Variants in ABL1 observed in about 807,000 individuals in gnomAD.
ABL1 encodes tyrosine-protein kinase ABL1.
A neutral mutation model predicts 94.7 loss-of-function variants in ABL1; 11 were observed. The ratio of observed to expected loss-of-function variants is 0.12; its 90% CI spans 0.07 to 0.19. ABL1 has a LOEUF of 0.19. ABL1 is among the 10% of genes least tolerant of loss of function. The probability of loss-of-function intolerance (pLI) is 1.00; values close to 1 mark genes in which losing one functional copy is unlikely to be tolerated. For missense variants in ABL1, 1,082 were observed against 1,489.4 expected (o/e 0.73, Z 4.50); for synonymous variants, 656 against 622.4 (o/e 1.05, Z -0.80).
chr9:130,750,835 C>T (rs1415804971), intron 1 of ABL1, among the ~76,000 whole-genome samples: 1 of 151,120 alleles, frequency 6.6e-6, no homozygotes, highest in African/African-American at 2.4e-5. Context: ...TTATTAGACA[C>T]AGGGTTTCAC....
intron 1 of ABL1, among the ~76,000 whole-genome samples, chr9:130,775,208 A>T (rs986762147): frequency 1.3e-5 from 2 of 152,218 alleles, no homozygotes; most frequent in Admixed American, 1.3e-4. Flanking sequence ...TCCCAAAGAT[A>T]AAGCTTCTCC....
intron 1 of ABL1, among the ~76,000 whole-genome samples, chr9:130,808,744 C>T (rs1056501177): frequency 5.9e-5 from 9 of 152,162 alleles, no homozygotes; most frequent in Non-Finnish European, 1.3e-4. Context: ...TTATAAATCC[C>T]AGATTTGTAT....
chr9:130,847,614 G>C (rs781596048), intron 1 of ABL1, among the ~76,000 whole-genome samples: 6 of 152,218 alleles, frequency 3.9e-5, no homozygotes, highest in Non-Finnish European at 8.8e-5. Flanking sequence ...GAATTGACTG[G>C]AAGGTTTTGG....
Position 130,726,171 on chromosome 9 carries a change from T to A in ABL1, c.136+11716T>A, listed in dbSNP as rs749323236. On this transcript the variant is annotated intron_variant, in intron 1 of 10. Transcript: ENST00000372348. ...CGACCTGATATTTTAATATTTTTTTTAAAAAAGTGTAATATGCATACAGAA... is the reference window on the plus strand; with the variant it reads ...CGACCTGATATTTTAATATTTTTTTAAAAAAAGTGTAATATGCATACAGAA... Among the ~76,000 whole-genome samples, 225 of 143,716 alleles carry A rather than the reference T, an allele frequency of 1.6e-3. 1 individual carries two copies. The highest frequency in any genetic ancestry group is 2.0e-3 in the Non-Finnish European group (133 of 66,804). The allele number at this position is 143,716 out of a possible 152,430, so 94.3% of individuals were successfully genotyped here. A position where few individuals can be genotyped will look rare whatever the true frequency, so the allele number is the denominator to read the frequency against.
chr9:130,800,793 T>A (rs979775045), intron 1 of ABL1, among the ~76,000 whole-genome samples: 1 of 152,240 alleles, frequency 6.6e-6, no homozygotes, highest in African/African-American at 2.4e-5. Flanking sequence ...ATTTTACTAG[T>A]GGATAACATT....
rs374389732 is a variant in ABL1, at chr9:130,885,464, G to A, written c.3174G>A (p.Glu1058=). 7.9e-5 allele frequency: 127 copies of A among 1,614,060 alleles called. 4 individuals carry two copies. Among genetic ancestry groups the A allele is most frequent in the East Asian group, 4.7e-4 (21 of 44,886 alleles). ...EQMASHSAVL[E]AGKNLYTFCV... ...TGGCCAGCCACAGCGCAGTGCTGGA[G>A]GCCGGCAAAAACCTCTACACGTTCT... is the stretch of plus-strand genomic sequence containing the variant. The change falls in exon 11 of 11, where the codon GAG becomes GAA. Residue 1058 remains glutamate (E), a synonymous_variant. Coordinates refer to ENST00000318560, the MANE Select transcript of ABL1 (RefSeq NM_005157.6).
Position 130,745,848 on chromosome 9 carries a change from CAAAT to C in ABL1, c.136+31401_136+31404del, listed in dbSNP as rs145959306. Reference sequence around the variant, plus strand: ...AATGTACCCCTACCAAATTGAAGATCAAATAAATAAAGTGGACCTGGAAAAGTAA... The same window carrying C: ...AATGTACCCCTACCAAATTGAAGATCAAATAAAGTGGACCTGGAAAAGTAA... On this transcript the variant is annotated intron_variant, in intron 1 of 10. Coordinates refer to the ABL1 transcript ENST00000372348. 1.1e-3 allele frequency among the ~76,000 whole-genome samples: 161 copies of C among 152,148 alleles called. 1 individual carries two copies. Among genetic ancestry groups the C allele is most frequent in the Middle Eastern group, 3.4e-3 (1 of 294 alleles).
intron 8 of ABL1, 74 bp from the exon 9 acceptor site, chr9:130,879,994 T>C: frequency 3.6e-6 from 5 of 1,401,428 alleles, no homozygotes; most frequent in Non-Finnish European, 5.1e-6. Context: ...TTCTAGACTT[T>C]TCCTTGAGAA....
chr9:130,726,581 C>T (rs559347361), intron 1 of ABL1, among the ~76,000 whole-genome samples: 1 of 152,198 alleles, frequency 6.6e-6, no homozygotes, highest in South Asian at 2.1e-4. Flanking sequence ...AATTTGTTAA[C>T]TTTCTCAATT....
intron 1 of ABL1, among the ~76,000 whole-genome samples, chr9:130,810,489 C>T (rs1830193924): frequency 6.6e-6 from 1 of 151,650 alleles, no homozygotes; most frequent in Non-Finnish European, 1.5e-5. Flanking sequence ...GAGCAAGATT[C>T]CGTCTCCACA....
chr9:130,718,551 C>T (rs1165150558), intron 1 of ABL1, among the ~76,000 whole-genome samples: 2 of 151,984 alleles, frequency 1.3e-5, no homozygotes, highest in African/African-American at 2.4e-5. Context: ...TAGGGGCCTT[C>T]GGTTATTTTT....
At chr9:130,851,282 C>G (rs985066622) in intron 1 of ABL1, among the ~76,000 whole-genome samples, 2 of 152,182 alleles carry the variant, frequency 1.3e-5, no homozygotes, top group Admixed American at 6.5e-5. Flanking sequence ...CTTCTACACT[C>G]TAGGAGATGT....
chr9:130,749,025 G>T (rs1234712303), intron 1 of ABL1, among the ~76,000 whole-genome samples: 2 of 152,082 alleles, frequency 1.3e-5, no homozygotes, highest in East Asian at 3.9e-4. Context: ...CTGCTATTAG[G>T]CTGTAGTTCA....
At chr9:130,748,579 C>CTT (rs1438941218) in intron 1 of ABL1, among the ~76,000 whole-genome samples, 2 of 148,592 alleles carry the variant, frequency 1.3e-5, no homozygotes, top group South Asian at 4.2e-4. Context: ...TGCCTAGCTA[C>CTT]TTTTTTTTTT....
At chr9:130,831,268 C>G (rs1329080489), upstream of ABL1, among the ~76,000 whole-genome samples, 2 of 152,190 alleles carry the variant, frequency 1.3e-5, no homozygotes, top group Non-Finnish European at 2.9e-5. Context: ...CTGTCAGGTT[C>G]ATCTGTCTCT....
rs553612106 is a variant in ABL1, at chr9:130,758,775, G to C, written c.136+44320G>C. Among the ~76,000 whole-genome samples, 9 of 152,336 alleles carry C rather than the reference G, an allele frequency of 5.9e-5. No individual in the cohort carries two copies. In the South Asian group the frequency reaches 1.5e-3, roughly 25 times the overall value. ...GGAAGCGTTGGTTGTGAGATGTGCA[G>C]TTGGGTGTTGTCATGGAGAAGAATT... On this transcript the variant is annotated intron_variant, in intron 1 of 10. Transcript: ENST00000372348.
intron 1 of ABL1, among the ~76,000 whole-genome samples, chr9:130,842,113 G>A (rs1830683451): frequency 1.3e-5 from 2 of 151,802 alleles, no homozygotes; most frequent in Non-Finnish European, 2.9e-5. Context: ...TGGGGCTGGG[G>A]TGGGTGGGTA....
At chr9:130,748,869 G>A (rs1369190155) in intron 1 of ABL1, among the ~76,000 whole-genome samples, 2 of 152,264 alleles carry the variant, frequency 1.3e-5, no homozygotes, top group Middle Eastern at 3.4e-3. Flanking sequence ...GAGCCACTGC[G>A]CTTGGCCTCT....
At position 130,885,676 on chromosome 9, in the gene ABL1, AG is replaced by A; in HGVS notation, c.3387del (p.Arg1130GlyfsTer29). On this transcript the variant is annotated frameshift_variant, in exon 11 of 11. Transcript: ENST00000318560. LOFTEE classifies it high-confidence loss of function. ...SSVKEISDIV[Q>X]R ...GTGAAGGAAATCAGTGACATAGTGCAGAGGTAGCAGCAGTCAGGGGTCAGGT... is the reference window on the plus strand; with the variant it reads ...GTGAAGGAAATCAGTGACATAGTGCAAGGTAGCAGCAGTCAGGGGTCAGGT... The A allele has an allele frequency of 6.2e-7, 1 of 1,609,850 alleles. No individual in the cohort carries two copies. The highest frequency in any genetic ancestry group is 8.5e-7 in the Non-Finnish European group (1 of 1,177,816).
Sources: gnomAD v4.1 joint callset for allele counts (sites outside exome capture counted in the v4.1 genomes callset) on GRCh38, gnomAD v4.1.1 for gene constraint, MANE v1.5 for transcripts, NCBI Gene and HGNC (gene_info 2026-07-23, HGNC 2026-07-21) for gene names.